PSMD1: variants seen among roughly 807,000 people sequenced by gnomAD.
The protein encoded by PSMD1 is 26S proteasome non-ATPase regulatory subunit 1.
A neutral mutation model predicts 119.0 loss-of-function variants in PSMD1; 18 were observed. That is an observed-to-expected ratio of 0.15 (90% CI 0.10 to 0.22). The LOEUF (loss-of-function observed/expected upper bound fraction) is 0.22. PSMD1 is among the 10% of genes least tolerant of loss of function. The pLI is 1.00. For synonymous variants in PSMD1, 374 were observed against 396.6 expected (o/e 0.94, Z 0.68); for missense variants, 702 against 1,158.5 (o/e 0.61, Z 5.72).
At chr2:231,076,128 T>A (rs1157229314) in intron 8 of PSMD1, among the ~76,000 whole-genome samples, 1 of 152,208 alleles carries the variant, frequency 6.6e-6, no homozygotes, top group Non-Finnish European at 1.5e-5. Flanking sequence ...GCAGAAGTTA[T>A]TTCTGTCTGA....
chr2:231,157,784 C>T (rs957605135), intron 19 of PSMD1, among the ~76,000 whole-genome samples: 13 of 151,786 alleles, frequency 8.6e-5, no homozygotes, highest in Admixed American at 3.9e-4. Flanking sequence ...CTAGGCTGGT[C>T]GCAAACTCCT....
intron 16 of PSMD1, among the ~76,000 whole-genome samples, chr2:231,102,259 A>ACT (rs762530028): frequency 2.0e-5 from 3 of 152,094 alleles, no homozygotes; most frequent in Non-Finnish European, 4.4e-5. Flanking sequence ...TTACTGCTAT[A>ACT]CTCTCTTTAT....
rs538746541 is a variant in PSMD1 at position 231,083,991 on chromosome 2, G to A, written c.1722+228G>A. Reference sequence around the variant, plus strand: ...TAAATTTTGCTATAGCTTCAGATCGGTGATACTCATAAGCAGATTCAGCAT... The same window carrying A: ...TAAATTTTGCTATAGCTTCAGATCGATGATACTCATAAGCAGATTCAGCAT... On this transcript the variant is annotated intron_variant, in intron 14 of 24. Coordinates refer to ENST00000308696, the MANE Select transcript of PSMD1 (RefSeq NM_002807.4). Among the ~76,000 whole-genome samples, 36 of 152,302 alleles carry A rather than the reference G, an allele frequency of 2.4e-4. 1 individual carries two copies. In the South Asian group the frequency reaches 4.8e-3, roughly 20 times the overall value.
chr2:231,078,185 T>C (rs754905636), intron 9 of PSMD1, among the ~76,000 whole-genome samples: 4 of 152,088 alleles, frequency 2.6e-5, no homozygotes, highest in Non-Finnish European at 5.9e-5. Flanking sequence ...GGAGAATCGC[T>C]TGAACCCAGG....
At chr2:231,057,070 A>G in intron 1 of PSMD1, 29 bp downstream of exon 1, 1 of 1,497,072 alleles carries the variant, frequency 6.7e-7, no homozygotes, top group Non-Finnish European at 8.9e-7. Context: ...CAGCGCCTGG[A>G]GGGAGGAGCC....
intron 17 of PSMD1, 33 bp from the exon 18 acceptor site, chr2:231,146,194 ATATCAACTTTATT>A: frequency 7.6e-7 from 1 of 1,312,186 alleles, no homozygotes; most frequent in Non-Finnish European, 1.1e-6. Flanking sequence ...AAGTTCAGCC[ATATCAACTTTATT>A]TAAAAGTTGT....
chr2:231,150,658 T>C (rs1696356259), intron 18 of PSMD1, among the ~76,000 whole-genome samples: 1 of 152,160 alleles, frequency 6.6e-6, no homozygotes, highest in Admixed American at 6.5e-5. Flanking sequence ...AGAGCAGTAC[T>C]ACACTGGGAG....
chr2:231,093,230 G>A (rs1333681959), intron 16 of PSMD1, among the ~76,000 whole-genome samples: 1 of 152,222 alleles, frequency 6.6e-6, no homozygotes, highest in East Asian at 1.9e-4. Context: ...GCAGGTGCAG[G>A]TTGCAGGCAG....
chr2:231,132,649 T>C (rs1392561379), intron 16 of PSMD1, among the ~76,000 whole-genome samples: 2 of 152,238 alleles, frequency 1.3e-5, no homozygotes, highest in Non-Finnish European at 2.9e-5. Context: ...TATTGTTTTA[T>C]GGATAAGGCA....
chr2:231,077,953 G>A (rs1694207674), intron 9 of PSMD1, among the ~76,000 whole-genome samples: 1 of 152,130 alleles, frequency 6.6e-6, no homozygotes, highest in Non-Finnish European at 1.5e-5. Context: ...GCTAGTCTTT[G>A]TAATATAGTC....
chr2:231,168,442 A>G (rs1323584465), intron 23 of PSMD1, among the ~76,000 whole-genome samples: 1 of 152,248 alleles, frequency 6.6e-6, no homozygotes, highest in African/African-American at 2.4e-5. Flanking sequence ...ATAATGTGAG[A>G]TAATAATGGA....
intron 1 of PSMD1, 99 bp downstream of exon 1, chr2:231,057,140 G>T: frequency 7.2e-7 from 1 of 1,380,514 alleles, no homozygotes; most frequent in Non-Finnish European, 9.4e-7. Flanking sequence ...CCGGCGGAAC[G>T]CCGGCCTGGG....
rs912197550 is a variant in PSMD1 at position 231,161,868 on chromosome 2, C to T, written c.2388+359C>T. On this transcript the variant is annotated intron_variant, in intron 20 of 24. Coordinates refer to ENST00000308696, the MANE Select transcript of PSMD1 (RefSeq NM_002807.4). ...CAAATGATAAATGAACATGAGATTTCCATTTAGAAAGATCTTTCTGGTATC... is the reference window on the plus strand; with the variant it reads ...CAAATGATAAATGAACATGAGATTTTCATTTAGAAAGATCTTTCTGGTATC... 2.0e-5 allele frequency among the ~76,000 whole-genome samples: 3 copies of T among 152,158 alleles called. No individual in the cohort carries two copies. The East Asian group carries it at 5.8e-4, about 29-fold the overall frequency.
chr2:231,085,586 C>T (rs1048293147), intron 15 of PSMD1, among the ~76,000 whole-genome samples: 7 of 152,124 alleles, frequency 4.6e-5, no homozygotes, highest in Admixed American at 2.0e-4. Context: ...ATTATGCCAC[C>T]GCACTCTAGC....
chr2:231,082,302 G>A (rs1294219805), intron 12 of PSMD1, among the ~76,000 whole-genome samples: 1 of 152,182 alleles, frequency 6.6e-6, no homozygotes, highest in Admixed American at 6.5e-5. Context: ...CTGGGCTCAA[G>A]TGATCTTCCC....
At chr2:231,089,768 T>G (rs2125180577) in intron 16 of PSMD1, among the ~76,000 whole-genome samples, 1 of 152,290 alleles carries the variant, frequency 6.6e-6, no homozygotes, top group South Asian at 2.1e-4. Context: ...AGGAGAAGGA[T>G]GTAGGCTGGA....
chr2:231,134,150 T>A (rs543922008), intron 16 of PSMD1, among the ~76,000 whole-genome samples: 8 of 152,344 alleles, frequency 5.3e-5, no homozygotes, highest in African/African-American at 1.9e-4. Context: ...TTATACCTTA[T>A]GATGAACCAG....
chr2:231,063,274 A>G (rs1261781860), intron 4 of PSMD1, among the ~76,000 whole-genome samples: 1 of 152,200 alleles, frequency 6.6e-6, no homozygotes, highest in Non-Finnish European at 1.5e-5. Flanking sequence ...ACATATTTCA[A>G]CCAGAGTTGT....
chr2:231,066,337 G>A (rs1363029680), intron 4 of PSMD1, among the ~76,000 whole-genome samples: 1 of 152,158 alleles, frequency 6.6e-6, no homozygotes, highest in Non-Finnish European at 1.5e-5. Flanking sequence ...CTCTCAGGTT[G>A]CTAATAGTTT....
Sources: gnomAD v4.1 joint callset for allele counts (sites outside exome capture counted in the v4.1 genomes callset) on GRCh38, gnomAD v4.1.1 for gene constraint, MANE v1.5 for transcripts, NCBI Gene and HGNC (gene_info 2026-07-23, HGNC 2026-07-21) for gene names.